The following DZANK1 variants were observed in gnomAD, a reference collection of about 807,000 sequenced individuals.
The protein encoded by DZANK1 is double zinc ribbon and ankyrin repeat-containing protein 1.
A neutral mutation model predicts 94.5 loss-of-function variants in DZANK1; 91 were observed. The observed-to-expected ratio is 0.96, with a 90% CI of 0.81 to 1.15. The LOEUF is 1.15. Ranked by LOEUF, DZANK1 falls within the 50% of genes most tolerant of loss-of-function variation. The pLI is 0.00. For synonymous variants in DZANK1, 312 were observed against 325.3 expected, an observed-to-expected ratio of 0.96 and a Z score of 0.44; for missense variants, 903 against 916.4, an observed-to-expected ratio of 0.99 and a Z score of 0.19.
chr20:18,401,702 T>C (rs2056692208), intron 13 of DZANK1, among the ~76,000 whole-genome samples: 1 of 152,260 alleles, frequency 6.6e-6, no homozygotes, highest in South Asian at 2.1e-4. Context: ...GGGTGCTGGC[T>C]CAGGTGCTCT....
At chr20:18,405,451 TAA>T (rs1387198793) in intron 13 of DZANK1, among the ~76,000 whole-genome samples, 1 of 151,972 alleles carries the variant, frequency 6.6e-6, no homozygotes, top group African/African-American at 2.4e-5. Context: ...GAACAGAGCC[TAA>T]GAGACCCATT....
chr20:18,384,444 C>G, exon 21 of DZANK1: 1 of 1,611,952 alleles, frequency 6.2e-7, no homozygotes, highest in South Asian at 1.1e-5. Context: ...CGAGTTGGTC[C>G]TCAAGCCCTT....
Position 18,444,999 on chromosome 20 carries a change from G to A in DZANK1, c.630-1535C>T, listed in dbSNP as rs1280340245. The stretch of plus-strand genomic sequence containing the variant: ...TTTTTTTGTAGTTTTAGTAGAGATG[G>A]GGTTTCACTGTGTTAGCCAAGATGA... On this transcript the variant is annotated intron_variant, in intron 7 of 20. Transcript: ENST00000262547. Among the ~76,000 whole-genome samples, 8 of 152,000 alleles carry A rather than the reference G, an allele frequency of 5.3e-5. No individual in the cohort carries two copies. In the East Asian group the frequency reaches 1.6e-3, roughly 29 times the overall value.
intron 2 of DZANK1, among the ~76,000 whole-genome samples, chr20:18,464,178 A>G (rs2059566912): frequency 6.6e-6 from 1 of 151,962 alleles, no homozygotes; most frequent in East Asian, 1.9e-4. Flanking sequence ...GCTTCAAGCA[A>G]TTCTCCTGCC....
chr20:18,395,360 TCAAAACAAAG>T (rs1283905507), intron 15 of DZANK1, among the ~76,000 whole-genome samples: 1 of 152,150 alleles, frequency 6.6e-6, no homozygotes, highest in Non-Finnish European at 1.5e-5. Context: ...AGAATCTGTC[TCAAAACAAAG>T]CAAAACAAAA....
At chr20:18,413,135 C>A in intron 12 of DZANK1, 1 of 482,674 alleles carries the variant, frequency 2.1e-6, no homozygotes, top group Non-Finnish European at 3.7e-6. Context: ...CTTTTCAGCT[C>A]TGTAATCCAA....
chr20:18,426,917 C>T (rs2058068480), intron 10 of DZANK1, 150 bp downstream of exon 10: 1 of 447,288 alleles, frequency 2.2e-6, no homozygotes, highest in Non-Finnish European at 4.0e-6. Context: ...TAAAGTTCTC[C>T]CCACATATGG....
At chr20:18,427,370 T>C (rs968503815) in intron 9 of DZANK1, among the ~76,000 whole-genome samples, 5 of 151,996 alleles carry the variant, frequency 3.3e-5, no homozygotes, top group South Asian at 2.1e-4. Context: ...TTTGTTTTTG[T>C]AGAGATGGGA....
chr20:18,444,652 T>A (rs990453950), intron 7 of DZANK1, among the ~76,000 whole-genome samples: 1 of 152,064 alleles, frequency 6.6e-6, no homozygotes, highest in Non-Finnish European at 1.5e-5. Context: ...GTGGAAAAAA[T>A]TCATATTTAC....
At chr20:18,450,588 T>C (rs1223106835) in intron 6 of DZANK1, among the ~76,000 whole-genome samples, 3 of 152,216 alleles carry the variant, frequency 2.0e-5, no homozygotes, top group Non-Finnish European at 4.4e-5. Context: ...CTCATGCAAA[T>C]TCATTGGATG....
At chr20:18,412,400 C>A (rs2057300752) in intron 13 of DZANK1, among the ~76,000 whole-genome samples, 1 of 152,178 alleles carries the variant, frequency 6.6e-6, no homozygotes, top group African/African-American at 2.4e-5. Context: ...CCCACATGCG[C>A]CATGTGACTG....
At chr20:18,396,367 G>T in intron 15 of DZANK1, 105 bp downstream of exon 15, 1 of 949,018 alleles carries the variant, frequency 1.1e-6, no homozygotes, top group Non-Finnish European at 1.6e-6. Context: ...TTCATAATGT[G>T]TGAAACTTTT....
intron 13 of DZANK1, among the ~76,000 whole-genome samples, chr20:18,398,998 G>A (rs2056519718): frequency 6.6e-6 from 1 of 152,022 alleles, no homozygotes; most frequent in Non-Finnish European, 1.5e-5. Context: ...CGAGCATGGT[G>A]GCGTGCACCT....
intron 10 of DZANK1, among the ~76,000 whole-genome samples, chr20:18,417,951 T>C (rs1257419033): frequency 6.6e-6 from 1 of 151,988 alleles, no homozygotes; most frequent in African/African-American, 2.4e-5. Flanking sequence ...CCGGGCGTGG[T>C]GGCACATGCT....
chr20:18,421,778 G>A (rs1355374024), intron 10 of DZANK1, among the ~76,000 whole-genome samples: 5 of 152,276 alleles, frequency 3.3e-5, no homozygotes, highest in Admixed American at 2.0e-4. Context: ...ATGCTCAGCT[G>A]GATTTGCAGG....
chr20:18,385,286 G>A (rs1304237801), intron 19 of DZANK1, among the ~76,000 whole-genome samples, 196 bp from the exon 20 acceptor site: 1 of 151,594 alleles, frequency 6.6e-6, no homozygotes, highest in Non-Finnish European at 1.5e-5. Context: ...ACTAGATAGT[G>A]CAAAGGTTAT....
Position 18,389,830 on chromosome 20 carries a change from T to C in DZANK1, c.1891-2A>G. ...ATCACAGCAGTTGGGGTCTGCTCCC[T>C]GCAGCAAACGGAAAAGGACAAACTC... On this transcript the variant is annotated splice_acceptor_variant, in intron 18 of 20. Transcript: ENST00000262547. LOFTEE classifies it high-confidence loss of function. 6.2e-7 allele frequency: 1 copy of C among 1,613,792 alleles called. No individual in the cohort carries two copies. The highest frequency in any genetic ancestry group is 1.7e-5 in the Admixed American group (1 of 59,996).
At chr20:18,427,239 CAG>C (rs1417547746) in intron 9 of DZANK1, 80 bp from the exon 10 acceptor site, 1 of 1,105,758 alleles carries the variant, frequency 9.0e-7, no homozygotes, top group Non-Finnish European at 1.3e-6. Context: ...TCTTTTCTGT[CAG>C]TCATTCAGCT....
chr20:18,452,573 A>C, intron 6 of DZANK1, 42 bp downstream of exon 6: 1 of 1,551,620 alleles, frequency 6.4e-7, no homozygotes, highest in Non-Finnish European at 8.7e-7. Context: ...TTAAAAATAT[A>C]GGAGGTATTT....
Sources: allele counts gnomAD v4.1 joint callset (sites outside exome capture counted in the v4.1 genomes callset), GRCh38; gene constraint gnomAD v4.1.1; transcripts MANE v1.5; gene names NCBI Gene and HGNC (gene_info 2026-07-23, HGNC 2026-07-21).